Variants in OSCP1 observed in about 807,000 individuals in gnomAD.
OSCP1 encodes protein OSCP1.
OSCP1 carries 35 observed loss-of-function variants against 45.1 expected under a neutral mutation model. That is an observed-to-expected ratio of 0.78 (90% CI 0.59 to 1.03). The LOEUF (loss-of-function observed/expected upper bound fraction) is 1.03. Among genes scored for constraint, OSCP1 ranks in the 50% least tolerant of loss-of-function variants. The pLI is 0.00. For synonymous variants in OSCP1, 179 were observed against 180.1 expected, an observed-to-expected ratio of 0.99 and a Z score of 0.05; for missense variants, 400 against 470.7, an observed-to-expected ratio of 0.85 and a Z score of 1.39.
At chr1:36,445,403 C>T (rs1649456758) in intron 1 of OSCP1, among the ~76,000 whole-genome samples, 1 of 152,194 alleles carries the variant, frequency 6.6e-6, no homozygotes, top group Non-Finnish European at 1.5e-5. Context: ...CTTTTGGAAA[C>T]ATTTGCCACT....
intron 1 of OSCP1, among the ~76,000 whole-genome samples, chr1:36,439,954 C>T (rs968369055): frequency 6.6e-5 from 10 of 152,206 alleles, no homozygotes; most frequent in Non-Finnish European, 1.3e-4. Flanking sequence ...TATGGTTGAA[C>T]ATAGATTATC....
intron 8 of OSCP1, 107 bp from the exon 9 acceptor site, chr1:36,419,161 G>T (rs926249766): frequency 2.2e-4 from 216 of 968,860 alleles, no homozygotes; most frequent in Non-Finnish European, 4.1e-5. Flanking sequence ...TGCCTCATCT[G>T]CCATTTCTCT....
At chr1:36,424,911 G>A (rs566752625) in intron 4 of OSCP1, among the ~76,000 whole-genome samples, 16 of 152,292 alleles carry the variant, frequency 1.1e-4, no homozygotes, top group African/African-American at 2.4e-4. Context: ...GGTGGCTTAC[G>A]CCTGTAATCC....
intron 4 of OSCP1, among the ~76,000 whole-genome samples, chr1:36,424,037 G>A (rs955687573): frequency 1.1e-4 from 16 of 151,852 alleles, no homozygotes; most frequent in African/African-American, 1.7e-4. Flanking sequence ...CCTCAGCCCC[G>A]CCAGCTCACG....
intron 4 of OSCP1, among the ~76,000 whole-genome samples, chr1:36,426,955 C>T (rs566634449): frequency 3.9e-4 from 58 of 150,530 alleles, no homozygotes; most frequent in Middle Eastern, 3.7e-3. Context: ...ATCTGCCTGC[C>T]TCAGCCTCCC....
At chr1:36,441,638 G>A (rs1028930949) in intron 1 of OSCP1, among the ~76,000 whole-genome samples, 2 of 150,154 alleles carry the variant, frequency 1.3e-5, no homozygotes, top group African/African-American at 2.5e-5. Context: ...TGCAGTCCCA[G>A]CTACCGGGAG....
chr1:36,429,359 C>A (rs1222554153), intron 4 of OSCP1, among the ~76,000 whole-genome samples: 6 of 149,290 alleles, frequency 4.0e-5, no homozygotes, highest in East Asian at 1.9e-4. Flanking sequence ...ATACTCCAGT[C>A]TGGGCAACAA....
Position 36,438,874 on chromosome 1 carries a change from T to G in OSCP1, c.149A>C (p.Lys50Thr). The G allele has an allele frequency of 1.1e-5, 17 of 1,614,154 alleles. No individual in the cohort carries two copies. Among genetic ancestry groups the G allele is most frequent in the Non-Finnish European group, 1.4e-5 (17 of 1,180,018 alleles). Residue 50 changes from lysine to threonine, a missense_variant, in exon 2 of 10, where the codon AAG becomes ACG. Lys to Thr is a moderately conservative substitution (Grantham distance 78). Transcript: ENST00000235532. ...NDIISTMFNR[K>T]FMEELFKPQE... is the part of the protein sequence containing the mutation. ...AGGCTTGAATAATTCCTCCATAAAC[T>G]TTCTATTGAACATGGTGGAGATGAT...
At chr1:36,437,166 A>G (rs1448013112) in intron 2 of OSCP1, among the ~76,000 whole-genome samples, 2 of 151,996 alleles carry the variant, frequency 1.3e-5, no homozygotes, top group African/African-American at 2.4e-5. Context: ...CCACCTAAGG[A>G]GGGGGAGTTA....
rs116485261 is a variant in OSCP1, at chr1:36,418,284, A to G, written c.1024-29T>C. 2.0e-3 allele frequency: 3,233 copies of G among 1,608,966 alleles called. 56 individuals are homozygous for G. In the African/African-American group the frequency reaches 0.038, roughly 19 times the overall value. ...TGAGGGAAATGAGAGGTAAAAGGGCATGAAGAGGCTGTGCTGGCAGGCCGC... is the reference window on the plus strand; with the variant it reads ...TGAGGGAAATGAGAGGTAAAAGGGCGTGAAGAGGCTGTGCTGGCAGGCCGC... On this transcript the variant is annotated intron_variant, in intron 9 of 9. Transcript: ENST00000235532.
At chr1:36,418,333 T>C (rs1647398815) in intron 9 of OSCP1, 78 bp from the exon 10 acceptor site, 2 of 1,301,330 alleles carry the variant, frequency 1.5e-6, no homozygotes. Flanking sequence ...AGGCACTTAG[T>C]TTTTTGTCCC....
Position 36,438,794 on chromosome 1 carries a change from C to A in OSCP1, c.229G>T (p.Ala77Ser). Residue 77 changes from alanine to serine, a missense_variant, in exon 2 of 10, where the codon GCC becomes TCC. By Grantham distance (99) the Ala-to-Ser change is moderately conservative (BLOSUM62 1). Coordinates refer to ENST00000235532, the MANE Select transcript of OSCP1 (RefSeq NM_145047.5). ...GCCTGGTTCAGTTTCATAATGGAGG[C>A]ATGAGCCAGGCGCTCATAGACAGTC... ...LRTVYERLAHASIMKLNQASM... is the reference protein window; with the variant it reads ...LRTVYERLAHSSIMKLNQASM... 6.2e-7 allele frequency: 1 copy of A among 1,613,650 alleles called. No individual in the cohort carries two copies. The highest frequency in any genetic ancestry group is 8.5e-7 in the Non-Finnish European group (1 of 1,179,750).
intron 1 of OSCP1, 83 bp from the exon 2 acceptor site, chr1:36,438,993 G>A: frequency 2.0e-6 from 3 of 1,467,038 alleles, no homozygotes; most frequent in East Asian, 4.6e-5. Context: ...AGGTACAGGA[G>A]CTGAGCGTGT....
At chr1:36,426,717 A>AT in intron 4 of OSCP1, among the ~76,000 whole-genome samples, 1 of 151,752 alleles carries the variant, frequency 6.6e-6, no homozygotes, top group East Asian at 1.9e-4. Flanking sequence ...TTTTATTTTA[A>AT]TTTTTTAAGG....
At chr1:36,418,320 A>G in intron 9 of OSCP1, 65 bp from the exon 10 acceptor site, 2 of 1,442,366 alleles carry the variant, frequency 1.4e-6, no homozygotes, top group East Asian at 4.5e-5. Context: ...CTCTTTGTGC[A>G]CTAGGCACTT....
chr1:36,421,450 T>C (rs1313679878), intron 7 of OSCP1, among the ~76,000 whole-genome samples: 1 of 152,194 alleles, frequency 6.6e-6, no homozygotes, highest in Non-Finnish European at 1.5e-5. Flanking sequence ...TGAAATGCCT[T>C]CTTGATCCCT....
intron 1 of OSCP1, among the ~76,000 whole-genome samples, chr1:36,442,646 T>A (rs553590285): frequency 3.3e-5 from 5 of 152,330 alleles, no homozygotes; most frequent in African/African-American, 1.2e-4. Flanking sequence ...TTTATGGGAA[T>A]ATGAAATTTG....
intron 7 of OSCP1, among the ~76,000 whole-genome samples, chr1:36,421,314 G>C (rs939030084): frequency 6.6e-6 from 1 of 152,116 alleles, no homozygotes; most frequent in Non-Finnish European, 1.5e-5. Flanking sequence ...CCTCGTGGGA[G>C]ACACCGCCAT....
chr1:36,439,139 C>A, intron 1 of OSCP1: 1 of 426,202 alleles, frequency 2.3e-6, no homozygotes, highest in South Asian at 6.1e-5. Flanking sequence ...GAAGACAAGG[C>A]ACTAATGTGT....
Sources: gnomAD v4.1 joint callset for allele counts (sites outside exome capture counted in the v4.1 genomes callset) on GRCh38, gnomAD v4.1.1 for gene constraint, MANE v1.5 for transcripts, NCBI Gene and HGNC (gene_info 2026-07-23, HGNC 2026-07-21) for gene names.